ANKFN1: variants seen among roughly 807,000 people sequenced by gnomAD.
ANKFN1 encodes the protein ankyrin repeat and fibronectin type-III domain-containing protein 1.
Under a neutral mutation model 108.7 loss-of-function variants are expected in ANKFN1, and 74 were observed. That is an observed-to-expected ratio of 0.68 (90% CI 0.56 to 0.83). ANKFN1 has a LOEUF of 0.83. ANKFN1 is among the 40% of genes least tolerant of loss of function. The pLI is 0.00. For missense variants in ANKFN1, 1,505 were observed against 1,382.3 expected (o/e 1.09, Z -1.41); for synonymous variants, 547 against 516.2 (o/e 1.06, Z -0.81).
At chr17:56,450,095 A>G (rs1598629286) in intron 11 of ANKFN1, among the ~76,000 whole-genome samples, 1 of 152,144 alleles carries the variant, frequency 6.6e-6, no homozygotes, top group Non-Finnish European at 1.5e-5. Flanking sequence ...CTCTAACTCC[A>G]TTGTGCGCTG....
chr17:56,272,296 A>C (rs2043813162), intron 3 of ANKFN1, among the ~76,000 whole-genome samples: 1 of 152,202 alleles, frequency 6.6e-6, no homozygotes. Context: ...TACATTAAAC[A>C]ACAACTCCTT....
At chr17:56,254,164 C>G (rs1250546380) in intron 3 of ANKFN1, 1 of 152,170 alleles carries the variant, frequency 6.6e-6, no homozygotes, top group Non-Finnish European at 1.5e-5. Context: ...GCAAATAAAA[C>G]AATCCTTCAG....
chr17:56,098,853 G>A lies in ANKFN1; in HGVS notation c.288+52528G>A, dbSNP rs953099977. Among the ~76,000 whole-genome samples, 7 of 116,528 alleles carry A rather than the reference G, an allele frequency of 6.0e-5. No homozygotes were observed. The East Asian group carries it at 2.0e-3, about 33-fold the overall frequency. The allele number at this position is 116,528 out of a possible 152,430, so 76.4% of individuals were successfully genotyped here. On this transcript the variant is annotated intron_variant, in intron 4 of 12. Coordinates refer to the ANKFN1 transcript ENST00000635860. ...AAATCTCTAGAAGTCAGAGGGGTGT[G>A]TGTGTGCGTGTGTGCATGTGTGTGT...
At chr17:56,172,805 A>G (rs954558086) in intron 1 of ANKFN1, among the ~76,000 whole-genome samples, 1 of 152,184 alleles carries the variant, frequency 6.6e-6, no homozygotes, top group Non-Finnish European at 1.5e-5. Flanking sequence ...GCACTACCTG[A>G]CAACTGATAC....
Position 56,326,156 on chromosome 17 carries a change from C to G in ANKFN1, c.54-65C>G. ...CTCTTTTATTTTGCATTAAGAGTAT[C>G]TTCATGATCATGGACTTCGGCTCTT... is the stretch of plus-strand genomic sequence containing the variant. On this transcript the variant is annotated intron_variant, in intron 3 of 20. Coordinates refer to ENST00000682825, the MANE Select transcript of ANKFN1 (RefSeq NM_001370326.1). 6.5e-6 allele frequency: 10 copies of G among 1,534,870 alleles called. No homozygotes were observed. The South Asian group carries it at 1.2e-4, about 18-fold the overall frequency.
At chr17:56,091,971 A>G (rs1404991649) in intron 4 of ANKFN1, among the ~76,000 whole-genome samples, 1 of 151,508 alleles carries the variant, frequency 6.6e-6, no homozygotes, top group Admixed American at 6.6e-5. Flanking sequence ...ATGGAAACAA[A>G]CTTAATTGGA....
chr17:56,419,150 C>T (rs538363788), intron 8 of ANKFN1, among the ~76,000 whole-genome samples: 5 of 152,376 alleles, frequency 3.3e-5, no homozygotes, highest in South Asian at 2.1e-4. Flanking sequence ...GAGCAGCCCA[C>T]TGGCCTTTCT....
chr17:56,296,991 T>C (rs1203586008), intron 3 of ANKFN1, among the ~76,000 whole-genome samples: 1 of 152,240 alleles, frequency 6.6e-6, no homozygotes, highest in African/African-American at 2.4e-5. Context: ...AGTACCAGAG[T>C]GTCCAAAGAA....
At chr17:56,171,583 G>A (rs919243472) in intron 1 of ANKFN1, among the ~76,000 whole-genome samples, 2 of 152,132 alleles carry the variant, frequency 1.3e-5, no homozygotes, top group Non-Finnish European at 2.9e-5. Context: ...GTGAACAGAA[G>A]GGGAAAAAAA....
chr17:56,495,166 T>G (rs1026569475), intron 19 of ANKFN1, among the ~76,000 whole-genome samples: 6 of 152,262 alleles, frequency 3.9e-5, no homozygotes, highest in African/African-American at 1.4e-4. Context: ...CTCAAAGGGT[T>G]CAAAATATAA....
chr17:56,289,509 C>A (rs2044304210), intron 3 of ANKFN1, among the ~76,000 whole-genome samples: 1 of 152,182 alleles, frequency 6.6e-6, no homozygotes, highest in South Asian at 2.1e-4. Context: ...AGCTAGCCTA[C>A]AGGGCAGGGC....
At chr17:56,481,695 A>G (rs1267995773) in intron 17 of ANKFN1, among the ~76,000 whole-genome samples, 1 of 152,204 alleles carries the variant, frequency 6.6e-6, no homozygotes, top group Non-Finnish European at 1.5e-5. Context: ...TTTAAGTCTA[A>G]AACAGCCAAC....
chr17:56,372,639 C>T lies in ANKFN1; in HGVS notation c.602-7C>T, dbSNP rs773936475. The T allele has an allele frequency of 1.9e-6, 3 of 1,608,864 alleles. No individual in the cohort carries two copies. Among genetic ancestry groups the T allele is most frequent in the Admixed American group, 1.7e-5 (1 of 59,044 alleles). On this transcript the variant is annotated splice_region_variant and splice_polypyrimidine_tract_variant and intron_variant, in intron 6 of 20. Coordinates refer to ENST00000682825, the MANE Select transcript of ANKFN1 (RefSeq NM_001370326.1). ...AAAGAGAAGTAATCCCATTTCTTTC[C>T]CTTTAGTTGTCAGCCTGGAAAGCCG... is the stretch of plus-strand genomic sequence containing the variant.
At chr17:56,337,540 G>A (rs1567924537) in intron 4 of ANKFN1, among the ~76,000 whole-genome samples, 2 of 152,090 alleles carry the variant, frequency 1.3e-5, no homozygotes, top group Non-Finnish European at 2.9e-5. Context: ...CTTACAGAAT[G>A]GGAGACAATT....
chr17:56,064,347 T>C (rs77269323), intron 4 of ANKFN1, among the ~76,000 whole-genome samples: 10,849 of 152,286 alleles, frequency 0.071, 483 homozygotes, highest in East Asian at 0.16. Flanking sequence ...CTAAGTGTGC[T>C]GGTCTGCGGA....
chr17:56,224,907 G>A (rs1272845182), intron 2 of ANKFN1: 1 of 152,298 alleles, frequency 6.6e-6, no homozygotes, highest in East Asian at 1.9e-4. Flanking sequence ...ATGTCCTACT[G>A]TGATCCGAGG....
At chr17:56,238,203 G>T (rs986060667) in intron 3 of ANKFN1, among the ~76,000 whole-genome samples, 1 of 152,036 alleles carries the variant, frequency 6.6e-6, no homozygotes, top group African/African-American at 2.4e-5. Flanking sequence ...TTGTGTGGTC[G>T]ATTTTAAAGT....
upstream of ANKFN1, among the ~76,000 whole-genome samples, chr17:56,150,315 T>C (rs1908520248): frequency 6.6e-6 from 1 of 152,294 alleles, no homozygotes; most frequent in East Asian, 1.9e-4. Flanking sequence ...CTCTTAAAAA[T>C]ATGAAAAGAC....
At chr17:56,165,895 C>A (rs1440744990) in intron 1 of ANKFN1, among the ~76,000 whole-genome samples, 1 of 152,188 alleles carries the variant, frequency 6.6e-6, no homozygotes, top group Non-Finnish European at 1.5e-5. Flanking sequence ...CTTTTTACCT[C>A]TAGTGCCCCA....
Sources: gnomAD v4.1 joint callset for allele counts (sites outside exome capture counted in the v4.1 genomes callset) on GRCh38, gnomAD v4.1.1 for gene constraint, MANE v1.5 for transcripts, NCBI Gene and HGNC (gene_info 2026-07-23, HGNC 2026-07-21) for gene names.